SYT2: variants seen among roughly 807,000 people sequenced by gnomAD.
The protein encoded by SYT2 is synaptotagmin 2.
In SYT2, 15 loss-of-function variants were observed where a neutral mutation model predicts 39.9. The ratio of observed to expected loss-of-function variants is 0.38; its 90% CI spans 0.25 to 0.58. The LOEUF is 0.58. SYT2 is among the 20% of genes least tolerant of loss of function. The pLI is 0.70. For missense variants in SYT2, 389 were observed against 530.3 expected (o/e 0.73, Z 2.62); for synonymous variants, 181 against 204.5 (o/e 0.89, Z 0.98).
intron 2 of SYT2, chr1:202,605,257 C>T (rs1572615931): frequency 5.1e-6 from 1 of 194,928 alleles, no homozygotes; most frequent in East Asian, 1.2e-4. Context: ...TTTCTATCTT[C>T]CAAAATAAAT....
intron 1 of SYT2, among the ~76,000 whole-genome samples, chr1:202,679,321 C>T (rs1653468396): frequency 2.0e-5 from 3 of 152,138 alleles, no homozygotes. Flanking sequence ...CTCCCCCCAC[C>T]AATTGCAGCT....
intron 1 of SYT2, among the ~76,000 whole-genome samples, chr1:202,690,177 C>A (rs1461953786): frequency 6.6e-6 from 1 of 152,152 alleles, no homozygotes; most frequent in African/African-American, 2.4e-5. Flanking sequence ...CACGGTCCTA[C>A]TGAGCGCCCA....
chr1:202,649,562 A>G (rs1317647121), intron 1 of SYT2, among the ~76,000 whole-genome samples: 1 of 152,238 alleles, frequency 6.6e-6, no homozygotes, highest in Non-Finnish European at 1.5e-5. Context: ...TAACTTGTCC[A>G]AGGTCACACA....
At chr1:202,657,722 A>C (rs889547068) in intron 1 of SYT2, among the ~76,000 whole-genome samples, 8 of 151,910 alleles carry the variant, frequency 5.3e-5, no homozygotes, top group Non-Finnish European at 1.0e-4. Context: ...CAGCATAGAC[A>C]ACAGCCCTGG....
intron 1 of SYT2, among the ~76,000 whole-genome samples, chr1:202,699,254 T>G (rs1464983091): frequency 6.6e-6 from 1 of 152,072 alleles, no homozygotes; most frequent in Non-Finnish European, 1.5e-5. Context: ...ACTCCTGGGC[T>G]CAAGTGATCC....
At chr1:202,600,574 T>TC (rs1282055097) in intron 6 of SYT2, 100 bp from the exon 7 acceptor site, 1 of 983,238 alleles carries the variant, frequency 1.0e-6, no homozygotes, top group Non-Finnish European at 1.6e-6. Flanking sequence ...CAGTGATGTG[T>TC]CCCTGCCTCC....
At chr1:202,611,696 T>G (rs147473387) in intron 1 of SYT2, among the ~76,000 whole-genome samples, 5,585 of 152,182 alleles carry the variant, frequency 0.037, 332 homozygotes, top group African/African-American at 0.13. Flanking sequence ...AGCAAAAAAG[T>G]TTTCAATTTT....
At chr1:202,699,444 G>T (rs531173979) in intron 1 of SYT2, among the ~76,000 whole-genome samples, 2 of 152,200 alleles carry the variant, frequency 1.3e-5, no homozygotes. Context: ...TCTCTGCAGT[G>T]TGCAGCATGA....
chr1:202,621,976 A>G (rs1691213560), intron 1 of SYT2, among the ~76,000 whole-genome samples: 1 of 152,138 alleles, frequency 6.6e-6, no homozygotes, highest in Non-Finnish European at 1.5e-5. Context: ...GCCACCCCAA[A>G]CCAATTAAAT....
chr1:202,629,262 C>G (rs921184334), intron 1 of SYT2, among the ~76,000 whole-genome samples: 12 of 152,194 alleles, frequency 7.9e-5, no homozygotes, highest in African/African-American at 2.9e-4. Context: ...ACCTCTGGGC[C>G]AAGGCCTCTC....
rs764497959 is a variant in SYT2 at position 202,602,034 on chromosome 1, G to T, written c.657C>A (p.Gly219=). The part of the protein sequence containing the change: ...TFKVPYQELG[G]KTLVMAIYDF... ...CATAGATGGCCATCACCAGAGTTTT[G>T]CCCCCAAGCTCCTGGTATGGCACCT... Residue 219 remains glycine (G), a synonymous_variant, in exon 6 of 9, where the codon GGC becomes GGA. Coordinates refer to ENST00000367268, the MANE Select transcript of SYT2 (RefSeq NM_177402.5). 8 of 1,613,988 alleles carry T rather than the reference G, an allele frequency of 5.0e-6. No individual in the cohort carries two copies. The highest frequency in any genetic ancestry group is 1.6e-4 in the Middle Eastern group (1 of 6,080).
At position 202,614,944 on chromosome 1, in the gene SYT2, T is replaced by C. The variant is rs1690992246; in HGVS notation, c.-17-9155A>G. Among the ~76,000 whole-genome samples, 1 of 152,156 alleles carries C rather than the reference T, an allele frequency of 6.6e-6. No individual in the cohort carries two copies. The highest frequency in any genetic ancestry group is 1.5e-5 in the Non-Finnish European group (1 of 68,022). On this transcript the variant is annotated intron_variant, in intron 1 of 8. Coordinates refer to ENST00000367268, the MANE Select transcript of SYT2 (RefSeq NM_177402.5). This position sits in a 1 kb window ranked among gnomAD's most constrained non-coding sequence, Gnocchi z 4.0. ...GAATGAGAAGCTGTGGGAGGCCTTT[T>C]AGGGTGGGGGCAGGGGTAACATGTA... is the stretch of plus-strand genomic sequence containing the variant.
At chr1:202,597,040 C>G (rs960036439) in intron 8 of SYT2, 77 bp from the exon 9 acceptor site, 8 of 1,314,260 alleles carry the variant, frequency 6.1e-6, no homozygotes, top group Middle Eastern at 2.6e-4. Flanking sequence ...CCATCAACCT[C>G]TACTCCCAAT....
At chr1:202,704,018 G>A (rs1654186331) in intron 1 of SYT2, among the ~76,000 whole-genome samples, 1 of 152,204 alleles carries the variant, frequency 6.6e-6, no homozygotes, top group South Asian at 2.1e-4. Context: ...AGAGGCACCT[G>A]ACAAATGCCT....
At position 202,646,612 on chromosome 1, in the gene SYT2, G is replaced by A. The variant is rs149308571; in HGVS notation, c.-17-40823C>T. ...CAGGCAAATTGCATAACTTCTCTAC[G>A]CCTCAACTTTCTCACCTGCGACATG... On this transcript the variant is annotated intron_variant, in intron 1 of 8. Coordinates refer to ENST00000367268, the MANE Select transcript of SYT2 (RefSeq NM_177402.5). 3.2e-3 allele frequency among the ~76,000 whole-genome samples: 487 copies of A among 152,254 alleles called. 4 individuals are homozygous for A. The highest frequency in any genetic ancestry group is 0.011 in the African/African-American group (457 of 41,536).
At chr1:202,646,498 G>A (rs1025116730) in intron 1 of SYT2, among the ~76,000 whole-genome samples, 2 of 152,120 alleles carry the variant, frequency 1.3e-5, no homozygotes, top group African/African-American at 2.4e-5. Flanking sequence ...CCTGCTCACC[G>A]AGCCTACTGG....
intron 1 of SYT2, among the ~76,000 whole-genome samples, chr1:202,706,533 G>A (rs955369956): frequency 1.3e-5 from 2 of 152,126 alleles, no homozygotes; most frequent in Non-Finnish European, 2.9e-5. Flanking sequence ...CCATTCTACA[G>A]ATGGCAAGAC....
intron 3 of SYT2, among the ~76,000 whole-genome samples, chr1:202,603,538 G>A (rs1407085850): frequency 6.6e-6 from 1 of 152,152 alleles, no homozygotes; most frequent in Non-Finnish European, 1.5e-5. Flanking sequence ...TACGGTCCAG[G>A]CAGACAGGAG....
chr1:202,646,115 C>T (rs1236843763), intron 1 of SYT2, among the ~76,000 whole-genome samples: 3 of 152,270 alleles, frequency 2.0e-5, no homozygotes, highest in Non-Finnish European at 4.4e-5. Flanking sequence ...TCTGGAGCTC[C>T]GCCCTCCTCC....
Sources: gnomAD v4.1 joint callset for allele counts (sites outside exome capture counted in the v4.1 genomes callset) on GRCh38, gnomAD v4.1.1 for gene constraint, Gnocchi (gnomAD v3.1) non-coding constraint, MANE v1.5 for transcripts, NCBI Gene and HGNC (gene_info 2026-07-23, HGNC 2026-07-21) for gene names.